Variants in NEDD8 observed in about 807,000 individuals in gnomAD.
NEDD8 encodes the protein ubiquitin-like protein NEDD8.
In NEDD8, 1 loss-of-function variant was observed where a neutral mutation model predicts 13.8. The observed-to-expected ratio is 0.07, with a 90% CI of 0.03 to 0.34. The LOEUF (loss-of-function observed/expected upper bound fraction) is 0.34. Among genes scored for constraint, NEDD8 ranks in the 10% least tolerant of loss-of-function variants. NEDD8 has a pLI of 0.99. For missense variants in NEDD8, 10 were observed against 95.2 expected, an observed-to-expected ratio of 0.10 and a Z score of 3.73; for synonymous variants, 31 against 33.2, an observed-to-expected ratio of 0.93 and a Z score of 0.23.
intron 1 of NEDD8, among the ~76,000 whole-genome samples, chr14:24,225,144 C>A (rs1391936313): frequency 6.8e-6 from 1 of 147,336 alleles, no homozygotes; most frequent in Admixed American, 6.8e-5. Flanking sequence ...TGCACTCCAG[C>A]CTGGGTGACA....
intron 3 of NEDD8, 91 bp downstream of exon 3, chr14:24,218,042 A>G (rs1032946807): frequency 1.7e-5 from 26 of 1,537,822 alleles, no homozygotes; most frequent in Non-Finnish European, 2.2e-5. Context: ...CAAAAACAAG[A>G]GGCACCCCTG....
chr14:24,217,957 G>A (rs2039737764), intron 3 of NEDD8, 176 bp downstream of exon 3: 1 of 580,346 alleles, frequency 1.7e-6, no homozygotes, highest in Non-Finnish European at 2.9e-6. Context: ...TATATATTTT[G>A]TTTTATGCCT....
intron 1 of NEDD8, among the ~76,000 whole-genome samples, chr14:24,229,120 C>A (rs569997573): frequency 6.6e-6 from 1 of 152,314 alleles, no homozygotes; most frequent in Non-Finnish European, 1.5e-5. Context: ...CCACCTTAGA[C>A]CCACAGAATC....
chr14:24,231,023 G>A (rs915739520), intron 1 of NEDD8, among the ~76,000 whole-genome samples: 3 of 152,016 alleles, frequency 2.0e-5, no homozygotes, highest in Non-Finnish European at 4.4e-5. Flanking sequence ...CCGAATAGCT[G>A]GGCCTACAGG....
intron 1 of NEDD8, among the ~76,000 whole-genome samples, chr14:24,223,277 G>A (rs1594487129): frequency 6.6e-6 from 1 of 151,612 alleles, no homozygotes; most frequent in Non-Finnish European, 1.5e-5. Flanking sequence ...CAGGCCTGTA[G>A]TCCCAGCAAC....
Position 24,216,998 on chromosome 14 carries a change from C to G in NEDD8, c.*129G>C, listed in dbSNP as rs1205796842. The G allele has an allele frequency of 1.5e-5, 11 of 738,808 alleles. No individual in the cohort carries two copies. The Admixed American group carries it at 3.3e-4, about 22-fold the overall frequency. The allele number at this position is 738,808 out of a possible 1,614,324, so 45.8% of individuals were successfully genotyped here. ...TACTGAATCCTGGGATCCTCACAGT[C>G]TCCCACCAGTAGACATACATTACTG... On this transcript the variant is annotated 3_prime_UTR_variant, in exon 4 of 4. Coordinates refer to ENST00000250495, the MANE Select transcript of NEDD8 (RefSeq NM_006156.3).
At chr14:24,219,710 C>G (rs569380657) in intron 1 of NEDD8, among the ~76,000 whole-genome samples, 2 of 152,150 alleles carry the variant, frequency 1.3e-5, no homozygotes, top group African/African-American at 4.8e-5. Flanking sequence ...ATAGCTCTAT[C>G]TGTATTAGTC....
intron 1 of NEDD8, among the ~76,000 whole-genome samples, chr14:24,225,182 A>G (rs929080144): frequency 1.3e-5 from 2 of 151,370 alleles, no homozygotes. Flanking sequence ...AAAAAAAAAA[A>G]AAAAGAAAAA....
intron 1 of NEDD8, chr14:24,228,856 C>T (rs1273940696): frequency 6.7e-6 from 1 of 148,358 alleles, no homozygotes; most frequent in Non-Finnish European, 1.5e-5. Context: ...TAACTACTTT[C>T]CTATGTATTT....
chr14:24,228,667 T>C (rs1257949044), intron 1 of NEDD8: 2 of 133,244 alleles, frequency 1.5e-5, no homozygotes, highest in African/African-American at 5.8e-5. Flanking sequence ...TGCAGTAAGC[T>C]GTGATGGCAC....
intron 1 of NEDD8, among the ~76,000 whole-genome samples, chr14:24,224,393 G>A (rs1475688580): frequency 1.3e-5 from 2 of 152,060 alleles, no homozygotes; most frequent in Non-Finnish European, 2.9e-5. Flanking sequence ...ATGGGGTCTC[G>A]AAATGTTGTC....
intron 1 of NEDD8, among the ~76,000 whole-genome samples, chr14:24,219,497 A>G (rs1403577911): frequency 7.3e-6 from 1 of 137,240 alleles, no homozygotes; most frequent in Non-Finnish European, 1.5e-5. Context: ...AAAAAAAAAA[A>G]AAAAGAAAGT....
In NEDD8 at chr14:24,218,456, G is replaced by A. The variant is rs748470764; in HGVS notation, c.19-25C>T. 3.1e-6 allele frequency: 5 copies of A among 1,614,198 alleles called. No individual in the cohort carries two copies. The South Asian group carries it at 5.5e-5, about 18-fold the overall frequency. ...TCTGAAACAGGCAATGGTTTCATGAGTCCTTAAAGCCCAATGTACAATTTG... is the reference window on the plus strand; with the variant it reads ...TCTGAAACAGGCAATGGTTTCATGAATCCTTAAAGCCCAATGTACAATTTG... On this transcript the variant is annotated intron_variant, in intron 1 of 3. Transcript: ENST00000250495.
intron 1 of NEDD8, among the ~76,000 whole-genome samples, chr14:24,230,762 C>T (rs890178381): frequency 2.0e-5 from 3 of 151,510 alleles, no homozygotes; most frequent in Non-Finnish European, 4.4e-5. Flanking sequence ...GGATTATAGG[C>T]GCCCACCACC....
chr14:24,217,942 A>C, intron 3 of NEDD8, 191 bp downstream of exon 3: 1 of 522,844 alleles, frequency 1.9e-6, no homozygotes. Flanking sequence ...GTTTTCCTTT[A>C]ATTCTATATA....
chr14:24,221,754 C>T (rs1386858862), intron 1 of NEDD8, among the ~76,000 whole-genome samples: 2 of 152,038 alleles, frequency 1.3e-5, no homozygotes, highest in Non-Finnish European at 2.9e-5. Context: ...TGCACCACCA[C>T]ACCTGGCTAA....
At position 24,217,113 on chromosome 14, in the gene NEDD8, A is replaced by C. The variant is rs2039716311; in HGVS notation, c.*14T>G. The C allele has an allele frequency of 6.2e-7, 1 of 1,605,126 alleles. No individual in the cohort carries two copies. The highest frequency in any genetic ancestry group is 1.3e-5 in the African/African-American group (1 of 74,782). On this transcript the variant is annotated 3_prime_UTR_variant, in exon 4 of 4. Transcript: ENST00000250495. ...TTATGAGCGACAGGGTAAAGAGGTA[A>C]AATGGAGGGTCCATCACTGCCTAAG...
At chr14:24,231,674 G>C (rs2040028935) in intron 1 of NEDD8, 3 of 152,456 alleles carry the variant, frequency 2.0e-5, no homozygotes, top group Admixed American at 2.0e-4. Context: ...AGGAAGTGAG[G>C]CTGGTCCAGG....
At chr14:24,217,533 A>G (rs2039729752) in intron 3 of NEDD8, among the ~76,000 whole-genome samples, 1 of 151,832 alleles carries the variant, frequency 6.6e-6, no homozygotes, top group Admixed American at 6.6e-5. Flanking sequence ...CAGGTGATCC[A>G]CCCCCTTCAG....
Sources: gnomAD v4.1 joint callset for allele counts (sites outside exome capture counted in the v4.1 genomes callset) on GRCh38, gnomAD v4.1.1 for gene constraint, MANE v1.5 for transcripts, NCBI Gene and HGNC (gene_info 2026-07-23, HGNC 2026-07-21) for gene names.